LIN9: variants seen among roughly 807,000 people sequenced by gnomAD.
The protein encoded by LIN9 is lin-9 DREAM MuvB core complex component, also known as protein lin-9 homolog.
Under a neutral mutation model 78.0 loss-of-function variants are expected in LIN9, and 18 were observed. The ratio of observed to expected loss-of-function variants is 0.23; its 90% CI spans 0.16 to 0.34. The LOEUF is 0.34. Ranked by LOEUF, LIN9 falls within the 10% of genes least tolerant of loss-of-function variation. The pLI, the probability that LIN9 is intolerant of heterozygous loss-of-function variation, is 1.00. For missense variants in LIN9, 451 were observed against 644.1 expected (o/e 0.70, Z 3.25); for synonymous variants, 192 against 215.2 (o/e 0.89, Z 0.94).
intron 12 of LIN9, among the ~76,000 whole-genome samples, chr1:226,236,621 A>C (rs1657734220): frequency 6.6e-6 from 1 of 151,946 alleles, no homozygotes; most frequent in Admixed American, 6.6e-5. Context: ...ACGCCCAGCT[A>C]ATTTTTTTTG....
intron 1 of LIN9, among the ~76,000 whole-genome samples, chr1:226,302,517 A>T (rs1196540184): frequency 6.6e-6 from 1 of 150,540 alleles, no homozygotes; most frequent in African/African-American, 2.4e-5. Context: ...CACTCCATCC[A>T]GCCTGGGTGA....
At chr1:226,235,871 C>T (rs6605032) in intron 12 of LIN9, among the ~76,000 whole-genome samples, 106,906 of 152,118 alleles carry the variant, frequency 0.7, 37,683 homozygotes, top group East Asian at 0.74. Context: ...ATCCTTTCTG[C>T]TTCCTTTTGA....
intron 8 of LIN9, among the ~76,000 whole-genome samples, chr1:226,267,440 A>AT (rs386369844): frequency 6.7e-6 from 1 of 150,168 alleles, no homozygotes; most frequent in Non-Finnish European, 1.5e-5. Flanking sequence ...AAAAAAAAAA[A>AT]AGATCTCAAT....
intron 6 of LIN9, among the ~76,000 whole-genome samples, chr1:226,284,705 C>T (rs1346909456): frequency 6.6e-6 from 1 of 152,196 alleles, no homozygotes; most frequent in East Asian, 1.9e-4. Context: ...GCCTGGGTGA[C>T]AGAGCAAGAC....
At chr1:226,243,640 A>G (rs1251374644) in intron 11 of LIN9, among the ~76,000 whole-genome samples, 3 of 149,260 alleles carry the variant, frequency 2.0e-5, no homozygotes, top group African/African-American at 7.4e-5. Flanking sequence ...AGGTTGCAGT[A>G]AGCCAAGATT....
At chr1:226,259,936 G>A (rs1165981857) in intron 10 of LIN9, among the ~76,000 whole-genome samples, 2 of 86,462 alleles carry the variant, frequency 2.3e-5, no homozygotes, top group Non-Finnish European at 5.1e-5. Context: ...CAATAAAATT[G>A]AAAACAGAAA....
intron 11 of LIN9, among the ~76,000 whole-genome samples, chr1:226,249,443 G>A (rs779971293): frequency 5.3e-5 from 8 of 152,300 alleles, no homozygotes; most frequent in Admixed American, 2.0e-4. Flanking sequence ...TACTGCTAAA[G>A]AGAGCAGTAT....
At chr1:226,276,480 C>T (rs1304575286) in intron 7 of LIN9, among the ~76,000 whole-genome samples, 1 of 152,140 alleles carries the variant, frequency 6.6e-6, no homozygotes, top group African/African-American at 2.4e-5. Flanking sequence ...TCATTTATTA[C>T]CAAATCTAGT....
chr1:226,233,233 C>G (rs1468532718), intron 13 of LIN9, 40 bp from the exon 14 acceptor site: 2 of 1,536,098 alleles, frequency 1.3e-6, no homozygotes, highest in Admixed American at 3.7e-5. Flanking sequence ...TGCATTATAG[C>G]TCAAATATAG....
intron 10 of LIN9, among the ~76,000 whole-genome samples, chr1:226,251,401 T>C (rs1203066269): frequency 6.6e-6 from 1 of 152,192 alleles, no homozygotes; most frequent in Non-Finnish European, 1.5e-5. Flanking sequence ...CTAATTTTTG[T>C]ATCTTTAGTA....
chr1:226,281,614 A>G (rs1661057761), intron 6 of LIN9, among the ~76,000 whole-genome samples: 1 of 152,144 alleles, frequency 6.6e-6, no homozygotes, highest in South Asian at 2.1e-4. Flanking sequence ...ATCAATTTAA[A>G]AAATATACCA....
At chr1:226,278,818 C>T (rs569533047) in intron 6 of LIN9, among the ~76,000 whole-genome samples, 3 of 115,704 alleles carry the variant, frequency 2.6e-5, no homozygotes, top group Non-Finnish European at 5.2e-5. Flanking sequence ...AGTAAAACTC[C>T]GTCTCAAAAA....
At chr1:226,299,508 A>C (rs1184235486) in intron 2 of LIN9, among the ~76,000 whole-genome samples, 7 of 151,340 alleles carry the variant, frequency 4.6e-5, no homozygotes, top group Non-Finnish European at 1.0e-4. Context: ...CAGTCTCAAA[A>C]AAAAAAAAAA....
In LIN9 at chr1:226,250,095, G is replaced by A. The variant is rs546508145; in HGVS notation, c.1119+744C>T. Among the ~76,000 whole-genome samples, 6 of 151,872 alleles carry A rather than the reference G, an allele frequency of 4.0e-5. No individual in the cohort carries two copies. The South Asian group carries it at 1.0e-3, about 26-fold the overall frequency. ...TGAGGCAGGCGAATCACTTGAACCCGGGAGGTGGAGGTTGCAGTGAGCCGA... is the reference window on the plus strand; with the variant it reads ...TGAGGCAGGCGAATCACTTGAACCCAGGAGGTGGAGGTTGCAGTGAGCCGA... On this transcript the variant is annotated intron_variant, in intron 11 of 14. Transcript: ENST00000681046.
At chr1:226,274,775 T>C (rs1192960310) in intron 7 of LIN9, among the ~76,000 whole-genome samples, 1 of 152,120 alleles carries the variant, frequency 6.6e-6, no homozygotes, top group Non-Finnish European at 1.5e-5. Context: ...TTTAAGTTCA[T>C]TCAGAAGTTT....
At chr1:226,299,522 A>G (rs1426521191) in intron 2 of LIN9, among the ~76,000 whole-genome samples, 3 of 142,780 alleles carry the variant, frequency 2.1e-5, no homozygotes, top group Non-Finnish European at 4.7e-5. Flanking sequence ...AAAAAAAAAA[A>G]GGCAGGGGGG....
At chr1:226,302,526 GAC>G (rs1220007702) in intron 1 of LIN9, among the ~76,000 whole-genome samples, 1 of 142,398 alleles carries the variant, frequency 7.0e-6, no homozygotes, top group Non-Finnish European at 1.5e-5. Context: ...CAGCCTGGGT[GAC>G]AGAGTGAGAC....
intron 4 of LIN9, among the ~76,000 whole-genome samples, chr1:226,294,579 A>C (rs924997185): frequency 5.9e-5 from 9 of 151,994 alleles, no homozygotes; most frequent in Non-Finnish European, 1.0e-4. Context: ...CTCAAAAAAA[A>C]AAAACAAAAA....
chr1:226,291,135 A>C (rs1661766088), intron 4 of LIN9, among the ~76,000 whole-genome samples: 1 of 152,226 alleles, frequency 6.6e-6, no homozygotes, highest in Non-Finnish European at 1.5e-5. Flanking sequence ...CAGCAATTCC[A>C]CATCTTAGGC....
Sources: allele counts gnomAD v4.1 joint callset (sites outside exome capture counted in the v4.1 genomes callset), GRCh38; gene constraint gnomAD v4.1.1; transcripts MANE v1.5; gene names NCBI Gene and HGNC (gene_info 2026-07-23, HGNC 2026-07-21).